Variants in GATB observed in about 807,000 individuals in gnomAD.
GATB encodes the protein glutamyl-tRNA amidotransferase subunit B.
GATB carries 39 observed loss-of-function variants against 62.3 expected under a neutral mutation model. The ratio of observed to expected loss-of-function variants is 0.63; its 90% CI spans 0.48 to 0.82. The LOEUF (loss-of-function observed/expected upper bound fraction) is 0.82, where lower values mean the gene tolerates loss of function less well. Among genes scored for constraint, GATB ranks in the 40% least tolerant of loss-of-function variants. The probability of loss-of-function intolerance (pLI) is 0.00; values close to 1 mark genes in which losing one functional copy is unlikely to be tolerated. For missense variants in GATB, 670 were observed against 684.0 expected (o/e 0.98, Z 0.23); for synonymous variants, 276 against 258.9 (o/e 1.07, Z -0.63).
chr4:151,754,566 G>A (rs974399177), intron 2 of GATB, among the ~76,000 whole-genome samples: 3 of 152,206 alleles, frequency 2.0e-5, no homozygotes, highest in African/African-American at 7.2e-5. Context: ...CCAGCTGAGT[G>A]AATGAAGACA....
At chr4:151,748,007 TAA>T (rs1275396478) in intron 2 of GATB, among the ~76,000 whole-genome samples, 1 of 152,002 alleles carries the variant, frequency 6.6e-6, no homozygotes, top group East Asian at 1.9e-4. Context: ...CTCAATGAAA[TAA>T]AAGAGGACAT....
At position 151,671,140 on chromosome 4, in the gene GATB, T is replaced by A. The variant is rs767987336; in HGVS notation, c.*34A>T. The A allele has an allele frequency of 6.2e-7, 1 of 1,613,650 alleles. No homozygotes were observed. Among genetic ancestry groups the A allele is most frequent in the Non-Finnish European group, 8.5e-7 (1 of 1,179,630 alleles). On this transcript the variant is annotated 3_prime_UTR_variant, in exon 13 of 13. Transcript: ENST00000263985. The stretch of plus-strand genomic sequence containing the variant: ...GTTCCCAGTCAGGCTGCACTGTTTG[T>A]TGTTGTCCCTTGGGCAAGGGGATCC...
chr4:151,693,686 G>A (rs553336255), intron 9 of GATB, among the ~76,000 whole-genome samples: 1 of 152,152 alleles, frequency 6.6e-6, no homozygotes, highest in South Asian at 2.1e-4. Flanking sequence ...TTTATTCCTG[G>A]GTCATTTCCC....
At chr4:151,751,393 A>AAAAAC (rs1393912104) in intron 2 of GATB, among the ~76,000 whole-genome samples, 1 of 152,172 alleles carries the variant, frequency 6.6e-6, no homozygotes, top group African/African-American at 2.4e-5. Context: ...CACCTAATTA[A>AAAAAC]AAAACAAAAC....
At chr4:151,722,268 T>A in intron 2 of GATB, 3 of 699,936 alleles carry the variant, frequency 4.3e-6, no homozygotes, top group Non-Finnish European at 7.8e-6. Context: ...TAGGGGTACA[T>A]AGATAAATAG....
intron 2 of GATB, chr4:151,722,143 G>A (rs1739044152): frequency 2.9e-6 from 2 of 696,476 alleles, no homozygotes; most frequent in African/African-American, 3.5e-5. Flanking sequence ...GCTTGTGACA[G>A]ATGGAAGTCC....
chr4:151,680,002 A>G (rs775182454), intron 10 of GATB, 111 bp from the exon 11 acceptor site: 1 of 845,646 alleles, frequency 1.2e-6, no homozygotes, highest in Non-Finnish European at 2.0e-6. Flanking sequence ...TATCGGACCC[A>G]CGCCTAGGGA....
In GATB at chr4:151,679,808, C is replaced by T. The variant is rs1184359360; in HGVS notation, c.1410+5G>A. ...AGTCAGAAGCTGTCGGGAGTGTGGA[C>T]ATACCTGTTTAGCTGCTGATGAAGA... On this transcript the variant is annotated splice_donor_5th_base_variant and intron_variant, in intron 11 of 12. Transcript: ENST00000263985. The T allele has an allele frequency of 1.9e-6, 3 of 1,612,870 alleles. No individual in the cohort carries two copies. Among genetic ancestry groups the T allele is most frequent in the Non-Finnish European group, 2.5e-6 (3 of 1,178,840 alleles).
At chr4:151,724,196 C>T (rs1000191016) in intron 2 of GATB, 1 of 140,202 alleles carries the variant, frequency 7.1e-6, no homozygotes, top group Non-Finnish European at 1.6e-5. Flanking sequence ...ACAACAACTC[C>T]CAACACTTTC....
chr4:151,697,945 G>GTGTGTATATATATATATA (rs1433481818), intron 9 of GATB, among the ~76,000 whole-genome samples: 2 of 74,696 alleles, frequency 2.7e-5, no homozygotes, highest in African/African-American at 1.0e-4. Flanking sequence ...ATATGTGTGT[G>GTGTGTATATATATATATA]TGTGTGTGTA....
chr4:151,753,147 C>T lies in GATB; in HGVS notation c.327+5625G>A, dbSNP rs1041827278. Among the ~76,000 whole-genome samples the T allele has an allele frequency of 4.6e-5, 7 of 152,210 alleles. No homozygotes were observed. In the Middle Eastern group the frequency reaches 0.01, roughly 222 times the overall value. On this transcript the variant is annotated intron_variant, in intron 2 of 12. Coordinates refer to ENST00000263985, the MANE Select transcript of GATB (RefSeq NM_004564.3). ...GTTCACTACAGATGCTGTCTGATAC[C>T]GCCTTTTGCTCTGACTGGTGGCCTC...
At chr4:151,755,869 C>A (rs954482270) in intron 2 of GATB, among the ~76,000 whole-genome samples, 8 of 152,150 alleles carry the variant, frequency 5.3e-5, no homozygotes, top group Non-Finnish European at 1.2e-4. Flanking sequence ...AGGCTTAACA[C>A]TGTAACTGCT....
intron 7 of GATB, among the ~76,000 whole-genome samples, 184 bp downstream of exon 7, chr4:151,705,001 C>T (rs1738686115): frequency 6.6e-6 from 1 of 152,168 alleles, no homozygotes; most frequent in Admixed American, 6.5e-5. Flanking sequence ...CTGCCCATTG[C>T]CTCCCAAAGT....
rs541525224 is a variant in GATB, at chr4:151,758,356, T to C, written c.327+416A>G. 2.0e-5 allele frequency among the ~76,000 whole-genome samples: 3 copies of C among 152,352 alleles called. No homozygotes were observed. The East Asian group carries it at 5.8e-4, about 29-fold the overall frequency. On this transcript the variant is annotated intron_variant, in intron 2 of 12. Transcript: ENST00000263985. ...AATTTCTCACAACAGTCCTTTCTTT[T>C]ACTGAATTAGTTGTCCCTCCTCTGG... is the stretch of plus-strand genomic sequence containing the variant.
At chr4:151,732,658 A>G (rs980606326) in intron 2 of GATB, among the ~76,000 whole-genome samples, 1 of 149,998 alleles carries the variant, frequency 6.7e-6, no homozygotes, top group Non-Finnish European at 1.5e-5. Context: ...TCCCTCCACT[A>G]TTGTCCTATG....
intron 9 of GATB, among the ~76,000 whole-genome samples, chr4:151,697,688 A>T (rs1475756031): frequency 1.3e-5 from 2 of 148,686 alleles, no homozygotes; most frequent in African/African-American, 4.9e-5. Flanking sequence ...TATATAGAAA[A>T]GCTAACATTG....
At chr4:151,681,431 G>A (rs1448273316) in intron 10 of GATB, among the ~76,000 whole-genome samples, 3 of 117,024 alleles carry the variant, frequency 2.6e-5, no homozygotes, top group African/African-American at 4.8e-5. Context: ...GAGGGGCAGC[G>A]GGCGGCTAAA....
intron 2 of GATB, among the ~76,000 whole-genome samples, chr4:151,742,080 G>A (rs1182348810): frequency 7.0e-6 from 1 of 142,682 alleles, no homozygotes; most frequent in East Asian, 2.0e-4. Context: ...AATGGGAAGG[G>A]AGGGATATGG....
intron 10 of GATB, among the ~76,000 whole-genome samples, chr4:151,684,088 A>C (rs1043295675): frequency 1.3e-5 from 2 of 152,172 alleles, no homozygotes; most frequent in Non-Finnish European, 2.9e-5. Flanking sequence ...CCTGCAGCCC[A>C]TCCTTGGATG....
Sources: allele counts gnomAD v4.1 joint callset (sites outside exome capture counted in the v4.1 genomes callset), GRCh38; gene constraint gnomAD v4.1.1; transcripts MANE v1.5; gene names NCBI Gene and HGNC (gene_info 2026-07-23, HGNC 2026-07-21).